The following THOC1 variants were observed in gnomAD, a reference collection of about 807,000 sequenced individuals.
THOC1 encodes the protein THO complex 1.
Under a neutral mutation model 97.3 loss-of-function variants are expected in THOC1, and 29 were observed. The observed-to-expected ratio is 0.30, with a 90% CI of 0.22 to 0.41. The LOEUF is 0.41. THOC1 is among the 10% of genes least tolerant of loss of function. The pLI is 1.00. For missense variants in THOC1, 529 were observed against 761.9 expected, an observed-to-expected ratio of 0.69 and a Z score of 3.60; for synonymous variants, 255 against 257.0, an observed-to-expected ratio of 0.99 and a Z score of 0.07.
intron 8 of THOC1, among the ~76,000 whole-genome samples, chr18:252,972 C>T (rs1912328864): frequency 6.6e-6 from 1 of 152,154 alleles, no homozygotes. Flanking sequence ...AGCTAATTCA[C>T]AGAAGAAAAA....
chr18:215,511 A>G lies in THOC1; in HGVS notation c.1603-7T>C, dbSNP rs1396035345. The stretch of plus-strand genomic sequence containing the variant: ...TTATTTCTTCAGAAGGAGGCTAAAA[A>G]TGAGAAAGAAGAATGTTTGAAAGAA... On this transcript the variant is annotated splice_polypyrimidine_tract_variant and splice_region_variant and intron_variant, in intron 19 of 20. Coordinates refer to ENST00000261600, the MANE Select transcript of THOC1 (RefSeq NM_005131.3). 1.2e-6 allele frequency: 2 copies of G among 1,608,706 alleles called. No individual in the cohort carries two copies. The highest frequency in any genetic ancestry group is 2.7e-5 in the African/African-American group (2 of 74,790).
At chr18:218,142 A>G (rs1294765977) in intron 18 of THOC1, among the ~76,000 whole-genome samples, 1 of 152,216 alleles carries the variant, frequency 6.6e-6, no homozygotes, top group Non-Finnish European at 1.5e-5. Flanking sequence ...CATGCCCTGT[A>G]GGGTTCAAAG....
chr18:241,382 C>T (rs1287618811), intron 11 of THOC1, among the ~76,000 whole-genome samples: 1 of 152,070 alleles, frequency 6.6e-6, no homozygotes, highest in African/African-American at 2.4e-5. Context: ...CTGCCAGGAA[C>T]TTTTTTTTAA....
At chr18:264,568 T>G (rs970204229) in intron 3 of THOC1, among the ~76,000 whole-genome samples, 4 of 152,152 alleles carry the variant, frequency 2.6e-5, no homozygotes, top group Non-Finnish European at 4.4e-5. Flanking sequence ...ACAACAACAC[T>G]GAAAGAACGG....
At chr18:260,089 G>T in intron 5 of THOC1, 97 bp downstream of exon 5, 2 of 743,112 alleles carry the variant, frequency 2.7e-6, no homozygotes, top group Non-Finnish European at 4.0e-6. Flanking sequence ...TTGGCATTCA[G>T]CAATACTACA....
At chr18:225,665 AAT>A in intron 12 of THOC1, 1 of 381,234 alleles carries the variant, frequency 2.6e-6, no homozygotes. Flanking sequence ...TGAACAGAGC[AAT>A]ATATGTTTCC....
chr18:259,101 T>G, intron 7 of THOC1, 79 bp downstream of exon 7: 1 of 1,086,614 alleles, frequency 9.2e-7, no homozygotes, highest in Non-Finnish European at 1.3e-6. Context: ...ATTTTTCTCA[T>G]TATCATGACA....
rs1321292594 is a variant in THOC1 at position 242,934 on chromosome 18, C to G, written c.918+3390G>C. On this transcript the variant is annotated intron_variant, in intron 11 of 20. Coordinates refer to ENST00000261600, the MANE Select transcript of THOC1 (RefSeq NM_005131.3). This position sits in a 1 kb window ranked among gnomAD's most constrained non-coding sequence, Gnocchi z 4.5. ...AGCTTATAAAATGTTGCATATTTTCCATGATACACGTAATGCATTACAAAT... is the reference window on the plus strand; with the variant it reads ...AGCTTATAAAATGTTGCATATTTTCGATGATACACGTAATGCATTACAAAT... Among the ~76,000 whole-genome samples the G allele has an allele frequency of 6.6e-6, 1 of 152,096 alleles. No homozygotes were observed. Among genetic ancestry groups the G allele is most frequent in the African/African-American group, 2.4e-5 (1 of 41,408 alleles).
chr18:236,808 G>C (rs1163876556), intron 11 of THOC1, among the ~76,000 whole-genome samples: 1 of 152,126 alleles, frequency 6.6e-6, no homozygotes, highest in Non-Finnish European at 1.5e-5. Context: ...GCCCCAGTGA[G>C]GTACAGTACA....
intron 11 of THOC1, among the ~76,000 whole-genome samples, chr18:233,111 C>A (rs945361399): frequency 9.9e-5 from 15 of 152,146 alleles, no homozygotes; most frequent in African/African-American, 3.6e-4. Flanking sequence ...TTTTGTAGCT[C>A]AAGAAATCTC....
At chr18:267,148 T>C (rs879342840) in intron 1 of THOC1, among the ~76,000 whole-genome samples, 53 of 152,062 alleles carry the variant, frequency 3.5e-4, no homozygotes, top group Middle Eastern at 3.2e-3. Context: ...CTGAGAAATG[T>C]TGGTGCAAAT....
At chr18:237,916 G>T (rs1823664393) in intron 11 of THOC1, among the ~76,000 whole-genome samples, 1 of 151,968 alleles carries the variant, frequency 6.6e-6, no homozygotes, top group South Asian at 2.1e-4. Context: ...GCCCAGGCTA[G>T]AGTGCAGCGG....
rs188358385 is a variant in THOC1 at position 247,521 on chromosome 18, G to A, written c.786+328C>T. Among the ~76,000 whole-genome samples, 692 of 152,280 alleles carry A rather than the reference G, an allele frequency of 4.5e-3. 6 individuals carry two copies. The highest frequency in any genetic ancestry group is 7.6e-3 in the Non-Finnish European group (517 of 68,020). ...TAGATCTGGCCCAGAGCCATGACTT[G>A]AGGACTTCTGTTTCAACAAGATAGC... On this transcript the variant is annotated intron_variant, in intron 10 of 20. Coordinates refer to ENST00000261600, the MANE Select transcript of THOC1 (RefSeq NM_005131.3).
rs1261159762 is a variant in THOC1 at position 265,354 on chromosome 18, T to C, written c.138A>G (p.Glu46=). The C allele has an allele frequency of 6.2e-7, 1 of 1,606,594 alleles. No individual in the cohort carries two copies. Among genetic ancestry groups the C allele is most frequent in the East Asian group, 2.2e-5 (1 of 44,786 alleles). Residue 46 remains glutamate, a synonymous_variant, in exon 3 of 21, where the codon GAA becomes GAG. Coordinates refer to ENST00000261600, the MANE Select transcript of THOC1 (RefSeq NM_005131.3). ...TFSQVPGSEN[E]KKCTLDQAFR... is the part of the protein sequence containing the mutation. ...AAGCTTGGTCAAGGGTACATTTTTT[T>C]TCATTTTCACTATTAAAAACAAAAG...
chr18:239,749 CTGT>C (rs896838116), intron 11 of THOC1, among the ~76,000 whole-genome samples: 7 of 152,144 alleles, frequency 4.6e-5, no homozygotes, highest in Non-Finnish European at 8.8e-5. Flanking sequence ...TTAAATAATA[CTGT>C]TATTAAACAC....
chr18:216,702 G>A lies in THOC1; in HGVS notation c.1455-69C>T, dbSNP rs548050434. ...TCTGTATTCCCTTCTGCTCAGTTCT[G>A]CCATGTGTAATTCTGTATTTAAGGT... On this transcript the variant is annotated intron_variant, in intron 18 of 20. Coordinates refer to ENST00000261600, the MANE Select transcript of THOC1 (RefSeq NM_005131.3). The A allele has an allele frequency of 8.7e-5, 132 of 1,509,490 alleles. No individual in the cohort carries two copies. The African/African-American group carries it at 1.7e-3, about 19-fold the overall frequency. 93.5% of individuals were successfully genotyped at this position (1,509,490 alleles called of 1,614,324 possible).
At chr18:251,142 C>T (rs190455785) in intron 9 of THOC1, among the ~76,000 whole-genome samples, 1 of 152,256 alleles carries the variant, frequency 6.6e-6, no homozygotes, top group Admixed American at 6.5e-5. Context: ...ATCCTCTTAA[C>T]TGTAGAGAGT....
intron 9 of THOC1, among the ~76,000 whole-genome samples, chr18:248,943 C>T (rs1400023009): frequency 6.6e-6 from 1 of 151,938 alleles, no homozygotes; most frequent in South Asian, 2.1e-4. Flanking sequence ...GTAGAGACAG[C>T]ATTTCACCGT....
At chr18:251,067 A>G (rs374610584) in intron 9 of THOC1, among the ~76,000 whole-genome samples, 2 of 152,254 alleles carry the variant, frequency 1.3e-5, no homozygotes, top group East Asian at 1.9e-4. Flanking sequence ...TAAGTGCTTT[A>G]CACTTACCAC....
Sources: gnomAD v4.1 joint callset for allele counts (sites outside exome capture counted in the v4.1 genomes callset) on GRCh38, gnomAD v4.1.1 for gene constraint, Gnocchi (gnomAD v3.1) non-coding constraint, MANE v1.5 for transcripts, NCBI Gene and HGNC (gene_info 2026-07-23, HGNC 2026-07-21) for gene names.